EIF4G3: variants seen among roughly 807,000 people sequenced by gnomAD.
The protein encoded by EIF4G3 is eIF-4-gamma 3.
A neutral mutation model predicts 186.4 loss-of-function variants in EIF4G3; 34 were observed. The observed-to-expected ratio is 0.18, with a 90% CI of 0.14 to 0.24. EIF4G3 has a LOEUF of 0.24. Ranked by LOEUF, EIF4G3 falls within the 10% of genes least tolerant of loss-of-function variation. The pLI, the probability that EIF4G3 is intolerant of heterozygous loss-of-function variation, is 1.00. For synonymous variants in EIF4G3, 673 were observed against 679.5 expected, an observed-to-expected ratio of 0.99 and a Z score of 0.15; for missense variants, 1,536 against 1,948.5, an observed-to-expected ratio of 0.79 and a Z score of 3.99.
In EIF4G3 at chr1:21,046,386, T is replaced by C. The variant is rs182594890; in HGVS notation, c.-67+4480A>G. 4.4e-3 allele frequency among the ~76,000 whole-genome samples: 669 copies of C among 152,276 alleles called. 2 individuals carry two copies. The highest frequency in any genetic ancestry group is 0.015 in the African/African-American group (635 of 41,556). On this transcript the variant is annotated intron_variant, in intron 4 of 36. Transcript: ENST00000602326. ...CCTTAAAACTTGGCACATACACAGG[T>C]GTGGTGAAGCACCTGTGGATGTGTA...
In EIF4G3 at chr1:20,807,430, C is replaced by G. The variant is rs573551412; in HGVS notation, c.4815G>C (p.Trp1605Cys). The G allele has an allele frequency of 6.2e-7, 1 of 1,612,234 alleles. No homozygotes were observed. The highest frequency in any genetic ancestry group is 1.1e-5 in the South Asian group (1 of 90,848). The part of the protein sequence containing the change: ...EVISEDAFYK[W>C]ESSKDPAEQN... ...GCTCTGCAGGGTCCTTGCTGCTCTC[C>G]CATTTGTAGAAGGCATCCTCGGAGA... Residue 1605 changes from tryptophan (W) to cysteine (C), a missense_variant, in exon 37 of 37, where the codon TGG becomes TGC. Trp to Cys is a radical substitution (Grantham distance 215, BLOSUM62 -2). Around this residue, in one of 11 missense-constraint regions of EIF4G3, gnomAD observed 45 missense variants for 99.1 expected, o/e 0.45. Transcript: ENST00000602326.
At chr1:20,982,274 T>C (rs2078452879) in intron 8 of EIF4G3, 114 bp downstream of exon 8, 2 of 762,976 alleles carry the variant, frequency 2.6e-6, no homozygotes, top group Non-Finnish European at 4.0e-6. Flanking sequence ...CTTGAAACAA[T>C]ATACCAATAG....
rs559229781 is a variant in EIF4G3 at position 21,133,258 on chromosome 1, T to C, written c.-272+42917A>G. Among the ~76,000 whole-genome samples, 44 of 152,274 alleles carry C rather than the reference T, an allele frequency of 2.9e-4. 2 individuals carry two copies. The highest frequency in any genetic ancestry group is 1.0e-3 in the African/African-American group (42 of 41,564). ...TTTTTTTTTTGAGACGGAGTCTCGC[T>C]GTGTCACCCAGGCTGGAGTGCAATG... On this transcript the variant is annotated intron_variant, in intron 2 of 36. Coordinates refer to ENST00000602326, the MANE Select transcript of EIF4G3 (RefSeq NM_001391906.1).
intron 2 of EIF4G3, among the ~76,000 whole-genome samples, chr1:21,170,218 T>C (rs114987014): frequency 0.051 from 6,835 of 135,094 alleles, 213 homozygotes; most frequent in Non-Finnish European, 0.075. Flanking sequence ...AACAAACAAA[T>C]AAATTTACAG....
rs757368302 is a variant in EIF4G3, at chr1:20,817,486, T to C, written c.4421A>G (p.Lys1474Arg). 1.6e-5 allele frequency: 25 copies of C among 1,608,148 alleles called. No individual in the cohort carries two copies. The South Asian group carries it at 2.2e-4, about 14-fold the overall frequency. Residue 1474 changes from lysine to arginine, a missense_variant, in exon 34 of 37, where the codon AAG becomes AGG. Around this residue, in one of 11 missense-constraint regions of EIF4G3, gnomAD observed 395 missense variants for 498.9 expected, o/e 0.79. Coordinates refer to ENST00000602326, the MANE Select transcript of EIF4G3 (RefSeq NM_001391906.1). ...CAGCTCTTCGGCAGACAGTTCTTTC[T>C]TTGAAAGTGCTTCAGAGGAACAGGG... ...DSPCSSEALS[K>R]KELSAEELYK...
At chr1:21,091,101 T>C (rs1424887494) in intron 2 of EIF4G3, among the ~76,000 whole-genome samples, 1 of 152,224 alleles carries the variant, frequency 6.6e-6, no homozygotes, top group Non-Finnish European at 1.5e-5. Context: ...AAACATGTAC[T>C]GTTTAAAATA....
At chr1:20,886,443 TCTGATGA>T in intron 18 of EIF4G3, 72 bp from the exon 19 acceptor site, 2 of 1,454,228 alleles carry the variant, frequency 1.4e-6, no homozygotes, top group Non-Finnish European at 1.9e-6. Flanking sequence ...TCAAGTCAAG[TCTGATGA>T]CTACGCCAAG....
intron 2 of EIF4G3, chr1:21,175,155 TG>T (rs2098077216): frequency 6.6e-6 from 1 of 152,138 alleles, no homozygotes; most frequent in Non-Finnish European, 1.5e-5. Flanking sequence ...ACAAATACAG[TG>T]GGTGTAGGGA....
At position 20,941,570 on chromosome 1, in the gene EIF4G3, T is replaced by G. The variant is rs1387267056; in HGVS notation, c.1584A>C (p.Lys528Asn). 1 of 1,614,174 alleles carries G rather than the reference T, an allele frequency of 6.2e-7. No homozygotes were observed. The highest frequency in any genetic ancestry group is 2.2e-5 in the East Asian group (1 of 44,888). ...TTTGCCCATCTGCTTCTACCTCTAT[T>G]TTGTTCTGAATCTCTTTTGCATCTT... ...LSEDAKEIQN[K>N]IEVEADGQTE... is the part of the protein sequence containing the mutation. The change falls in exon 14 of 37, where the codon AAA becomes AAC. Residue 528 changes from lysine (K) to asparagine (N), a missense_variant. This residue lies in a region of EIF4G3 where 560 missense variants were observed against 547.8 expected (regional missense o/e 1.02). Coordinates refer to ENST00000602326, the MANE Select transcript of EIF4G3 (RefSeq NM_001391906.1).
chr1:21,148,300 G>T (rs571271061), intron 2 of EIF4G3, among the ~76,000 whole-genome samples: 162 of 152,052 alleles, frequency 1.1e-3, no homozygotes, highest in African/African-American at 3.8e-3. Flanking sequence ...TGAACTCCCG[G>T]GTCTAAACAA....
chr1:20,869,866 T>C (rs920573194), intron 20 of EIF4G3, among the ~76,000 whole-genome samples: 1 of 151,472 alleles, frequency 6.6e-6, no homozygotes, highest in Non-Finnish European at 1.5e-5. Context: ...CTCAGGTCCA[T>C]GGTGACATAC....
intron 12 of EIF4G3, among the ~76,000 whole-genome samples, chr1:20,955,084 G>A (rs1490418992): frequency 6.6e-6 from 1 of 152,156 alleles, no homozygotes; most frequent in African/African-American, 2.4e-5. Context: ...AAAGAACAGG[G>A]GAATCTGGTG....
In EIF4G3 at chr1:20,810,935, T is replaced by G; in HGVS notation, c.4598-51A>C. The G allele has an allele frequency of 1.3e-6, 2 of 1,540,140 alleles. No individual in the cohort carries two copies. Among genetic ancestry groups the G allele is most frequent in the Non-Finnish European group, 1.8e-6 (2 of 1,132,440 alleles). ...TTACATTTAAGGAGTTAACATAGAATTATCTTTAATTTTCTTTCTTTTTTC... is the reference window on the plus strand; with the variant it reads ...TTACATTTAAGGAGTTAACATAGAAGTATCTTTAATTTTCTTTCTTTTTTC... On this transcript the variant is annotated intron_variant, in intron 35 of 36. Coordinates refer to ENST00000602326, the MANE Select transcript of EIF4G3 (RefSeq NM_001391906.1). This position sits in a 1 kb window ranked among gnomAD's most constrained non-coding sequence, Gnocchi z 4.1.
At chr1:21,019,157 G>A (rs1295680172) in intron 4 of EIF4G3, among the ~76,000 whole-genome samples, 1 of 151,964 alleles carries the variant, frequency 6.6e-6, no homozygotes, top group Non-Finnish European at 1.5e-5. Context: ...CAAGTAGCTG[G>A]GACTAGAGGC....
chr1:20,907,310 T>C (rs191703532), intron 14 of EIF4G3, among the ~76,000 whole-genome samples: 7 of 152,282 alleles, frequency 4.6e-5, no homozygotes, highest in African/African-American at 1.4e-4. Flanking sequence ...ACACATTTAA[T>C]TTCAACTACA....
At chr1:20,911,680 A>G (rs2093248901) in intron 14 of EIF4G3, among the ~76,000 whole-genome samples, 1 of 151,698 alleles carries the variant, frequency 6.6e-6, no homozygotes, top group African/African-American at 2.4e-5. Context: ...TCTGACAGCA[A>G]TTTTTAGATA....
At chr1:20,885,852 A>G (rs2083949925) in intron 19 of EIF4G3, among the ~76,000 whole-genome samples, 1 of 152,232 alleles carries the variant, frequency 6.6e-6, no homozygotes, top group Non-Finnish European at 1.5e-5. Flanking sequence ...AAGGAACATA[A>G]AGCAATGTAA....
Position 20,941,753 on chromosome 1 carries a change from A to T in EIF4G3, c.1401T>A (p.Val467=). 1.2e-6 allele frequency: 2 copies of T among 1,611,238 alleles called. No individual in the cohort carries two copies. Among genetic ancestry groups the T allele is most frequent in the Non-Finnish European group, 8.5e-7 (1 of 1,178,594 alleles). ...CIPAPITPST[V]PSFPPTPPTP... ...TTGGAGGAGTTGGAGGAAAGGAAGG[A>T]ACTGTGGAAGGGGTGATGGGAGCTG... The change falls in exon 14 of 37, where the codon GTT becomes GTA. Residue 467 remains valine (V), a synonymous_variant. Coordinates refer to ENST00000602326, the MANE Select transcript of EIF4G3 (RefSeq NM_001391906.1).
chr1:21,114,011 G>C (rs1241348947), intron 2 of EIF4G3, among the ~76,000 whole-genome samples: 4 of 152,086 alleles, frequency 2.6e-5, no homozygotes, highest in Non-Finnish European at 5.9e-5. Context: ...GTGAGGCCCT[G>C]TCTCAATTTT....
Sources: gnomAD v4.1 joint callset for allele counts (sites outside exome capture counted in the v4.1 genomes callset) on GRCh38, gnomAD v4.1.1 for gene constraint, gnomAD v4.1.1 regional missense constraint, Gnocchi (gnomAD v3.1) non-coding constraint, MANE v1.5 for transcripts, NCBI Gene and HGNC (gene_info 2026-07-23, HGNC 2026-07-21) for gene names.